CACNA2D1: variants seen among roughly 807,000 people sequenced by gnomAD.
CACNA2D1 encodes calcium voltage-gated channel auxiliary subunit alpha2delta 1.
CACNA2D1 carries 53 observed loss-of-function variants against 171.5 expected under a neutral mutation model. The observed-to-expected ratio is 0.31, with a 90% CI of 0.25 to 0.39. CACNA2D1 has a LOEUF of 0.39. Ranked by LOEUF, CACNA2D1 falls within the 10% of genes least tolerant of loss-of-function variation. The pLI, the probability that CACNA2D1 is intolerant of heterozygous loss-of-function variation, is 1.00. For missense variants in CACNA2D1, 903 were observed against 1,299.8 expected (o/e 0.69, Z 4.69); for synonymous variants, 442 against 443.1 (o/e 1.00, Z 0.03).
rs994134910 is a variant in CACNA2D1 at position 81,986,535 on chromosome 7, C to T, written c.1797-1824G>A. Among the ~76,000 whole-genome samples, 9 of 134,122 alleles carry T rather than the reference C, an allele frequency of 6.7e-5. No individual in the cohort carries two copies. The East Asian group carries it at 1.9e-3, about 28-fold the overall frequency. The allele number at this position is 134,122 out of a possible 152,430, so 88.0% of individuals were successfully genotyped here. ...CATAAAATTTCAAAATTTCATATGA[C>T]TATAAATATTAAAATTTCACTCTAT... On this transcript the variant is annotated intron_variant, in intron 21 of 38. Coordinates refer to ENST00000356860, the MANE Select transcript of CACNA2D1 (RefSeq NM_000722.4).
At chr7:81,969,356 G>A (rs1041229112) in intron 28 of CACNA2D1, among the ~76,000 whole-genome samples, 5 of 151,324 alleles carry the variant, frequency 3.3e-5, no homozygotes, top group African/African-American at 1.2e-4. Flanking sequence ...ATGTCACTGG[G>A]CAAAACTTTG....
chr7:82,272,253 G>A (rs1202228950), intron 3 of CACNA2D1, among the ~76,000 whole-genome samples: 1 of 152,140 alleles, frequency 6.6e-6, no homozygotes. Flanking sequence ...AGCCTTTATT[G>A]AGGAACTTTT....
At chr7:82,038,364 G>T (rs977536482) in intron 10 of CACNA2D1, 129 bp from the exon 11 acceptor site, 2 of 790,080 alleles carry the variant, frequency 2.5e-6, no homozygotes, top group African/African-American at 3.5e-5. Context: ...AAGTGAGTAG[G>T]CTGGTGACAA....
chr7:82,304,577 T>C lies in CACNA2D1; in HGVS notation c.294+30558A>G, dbSNP rs548977746. 2.6e-3 allele frequency among the ~76,000 whole-genome samples: 400 copies of C among 152,230 alleles called. 2 individuals are homozygous for C. Among genetic ancestry groups the C allele is most frequent in the South Asian group, 5.2e-3 (25 of 4,820 alleles). On this transcript the variant is annotated intron_variant, in intron 3 of 38. Coordinates refer to ENST00000356860, the MANE Select transcript of CACNA2D1 (RefSeq NM_000722.4). ...GCAATATGAATGGAACCGGAGATCA[T>C]TACGTTAAGTGAAATAAGCCAGAAG...
Position 82,045,588 on chromosome 7 carries a change from T to C in CACNA2D1, c.880-7353A>G, listed in dbSNP as rs997786484. Among the ~76,000 whole-genome samples the C allele has an allele frequency of 6.6e-5, 10 of 152,320 alleles. No homozygotes were observed. In the South Asian group the frequency reaches 1.9e-3, roughly 28 times the overall value. ...AGCGAAATTTCCCATTTATGATACA[T>C]TCATTCATGATACATTCCTTACAAC... On this transcript the variant is annotated intron_variant, in intron 10 of 38. Transcript: ENST00000356860.
intron 3 of CACNA2D1, among the ~76,000 whole-genome samples, chr7:82,195,782 A>C (rs893001203): frequency 6.6e-6 from 1 of 151,922 alleles, no homozygotes; most frequent in Non-Finnish European, 1.5e-5. Flanking sequence ...ACAGAGTCAT[A>C]GCTCTGTGAC....
chr7:82,204,056 C>T (rs1237753906), intron 3 of CACNA2D1, among the ~76,000 whole-genome samples: 1 of 152,188 alleles, frequency 6.6e-6, no homozygotes. Flanking sequence ...GACCTCAAGC[C>T]TTCACCGTTT....
At chr7:82,340,506 TTC>T (rs138725322) in intron 2 of CACNA2D1, among the ~76,000 whole-genome samples, 12,669 of 151,966 alleles carry the variant, frequency 0.083, 631 homozygotes, top group African/African-American at 0.13. Context: ...ATAATAAACT[TTC>T]TGAGTGATTC....
At chr7:82,386,779 TA>T (rs540112679) in intron 1 of CACNA2D1, among the ~76,000 whole-genome samples, 1 of 148,990 alleles carries the variant, frequency 6.7e-6, no homozygotes, top group East Asian at 2.0e-4. Flanking sequence ...AATAAATAAA[TA>T]AAATAACTAA....
intron 3 of CACNA2D1, among the ~76,000 whole-genome samples, chr7:82,308,691 G>T (rs943543259): frequency 1.3e-5 from 2 of 152,160 alleles, no homozygotes; most frequent in African/African-American, 4.8e-5. Flanking sequence ...CATGGGAAAG[G>T]CATTCCCTTA....
intron 3 of CACNA2D1, among the ~76,000 whole-genome samples, chr7:82,307,170 G>A (rs538310583): frequency 2.0e-4 from 31 of 152,048 alleles, no homozygotes; most frequent in African/African-American, 7.0e-4. Flanking sequence ...TCTTTTTTTA[G>A]GTGTGGGAAT....
chr7:82,443,832 A>AGGCGGG (rs1195643603), upstream of CACNA2D1: 270 of 365,246 alleles, frequency 7.4e-4, no homozygotes, highest in African/African-American at 2.6e-3. Flanking sequence ...GCGAAGGCGG[A>AGGCGGG]GGCGGGGGCG....
intron 1 of CACNA2D1, among the ~76,000 whole-genome samples, chr7:82,442,132 C>A (rs115346569): frequency 0.013 from 1,945 of 152,290 alleles, 40 homozygotes; most frequent in African/African-American, 0.045. Context: ...ATAGAATGTG[C>A]ATCCTCCAGA....
chr7:81,978,059 A>T (rs867722618), intron 24 of CACNA2D1, among the ~76,000 whole-genome samples: 5 of 152,338 alleles, frequency 3.3e-5, no homozygotes, highest in Middle Eastern at 3.4e-3. Flanking sequence ...GCCAGTTAGA[A>T]TGGCGATCAT....
intron 26 of CACNA2D1, 105 bp downstream of exon 26, chr7:81,971,672 A>T: frequency 1.4e-6 from 1 of 716,666 alleles, no homozygotes; most frequent in South Asian, 1.6e-5. Flanking sequence ...AATATTAAAC[A>T]TTATTAATGA....
rs201341755 is a variant in CACNA2D1, at chr7:82,116,994, G to T, written c.526+50C>A. 319 of 1,601,268 alleles carry T rather than the reference G, an allele frequency of 2.0e-4. 1 individual carries two copies. In the African/African-American group the frequency reaches 4.0e-3, roughly 20 times the overall value. ...TCCCCCTCAAACATGGGAAACATAAGACAGGCGAGAGCATGGTATTCCAAC... is the reference window on the plus strand; with the variant it reads ...TCCCCCTCAAACATGGGAAACATAATACAGGCGAGAGCATGGTATTCCAAC... On this transcript the variant is annotated intron_variant, in intron 6 of 38. Transcript: ENST00000356860.
intron 4 of CACNA2D1, among the ~76,000 whole-genome samples, chr7:82,164,513 G>T (rs1426939311): frequency 6.6e-6 from 1 of 152,026 alleles, no homozygotes; most frequent in African/African-American, 2.4e-5. Context: ...CAAAAGGTCT[G>T]AAAGTGAAGA....
chr7:82,213,470 A>G (rs1358228907), intron 3 of CACNA2D1, among the ~76,000 whole-genome samples: 1 of 152,128 alleles, frequency 6.6e-6, no homozygotes, highest in East Asian at 1.9e-4. Flanking sequence ...ACCTGTTTGT[A>G]CTTCTATAAG....
At chr7:82,226,680 C>G (rs1295189782) in intron 3 of CACNA2D1, among the ~76,000 whole-genome samples, 1 of 152,070 alleles carries the variant, frequency 6.6e-6, no homozygotes, top group African/African-American at 2.4e-5. Context: ...CAATTAATAT[C>G]CTATAGGAAG....
Sources: allele counts gnomAD v4.1 joint callset (sites outside exome capture counted in the v4.1 genomes callset), GRCh38; gene constraint gnomAD v4.1.1; transcripts MANE v1.5; gene names NCBI Gene and HGNC (gene_info 2026-07-23, HGNC 2026-07-21).